PCDHA2: variants seen among roughly 807,000 people sequenced by gnomAD.
PCDHA2 encodes the protein protocadherin alpha 2, also known as protocadherin alpha-2.
In PCDHA2, 58 loss-of-function variants were observed where a neutral mutation model predicts 66.0. The ratio of observed to expected loss-of-function variants is 0.88; its 90% CI spans 0.71 to 1.09. PCDHA2 has a LOEUF of 1.09. Among genes scored for constraint, PCDHA2 ranks in the 50% least tolerant of loss-of-function variants. The probability of loss-of-function intolerance (pLI) is 0.00; values close to 1 mark genes in which losing one functional copy is unlikely to be tolerated. For synonymous variants in PCDHA2, 634 were observed against 554.0 expected (o/e 1.14, Z -2.03); for missense variants, 1,267 against 1,242.3 (o/e 1.02, Z -0.30).
At chr5:140,858,863 A>T (rs1042514918) in intron 1 of PCDHA2, 3 of 258,704 alleles carry the variant, frequency 1.2e-5, no homozygotes, top group Admixed American at 5.3e-5. Context: ...CTCTTCAGTG[A>T]AAATGTGTTT....
intron 1 of PCDHA2, chr5:140,851,063 G>A (rs1192104512): frequency 7.3e-7 from 1 of 1,372,672 alleles, no homozygotes; most frequent in Non-Finnish European, 9.6e-7. Context: ...TTGACTTCTA[G>A]TGAGAATTAT....
intron 1 of PCDHA2, among the ~76,000 whole-genome samples, chr5:140,899,434 A>G (rs1583342387): frequency 6.6e-6 from 1 of 152,206 alleles, no homozygotes; most frequent in East Asian, 1.9e-4. Flanking sequence ...TCTTTTCTGC[A>G]TCTATTGAGA....
chr5:140,928,709 C>T (rs1563108337), intron 1 of PCDHA2: 1 of 1,614,180 alleles, frequency 6.2e-7, no homozygotes, highest in Non-Finnish European at 8.5e-7. Context: ...GCGTCTGACT[C>T]TAGTCTCTTT....
intron 1 of PCDHA2, chr5:140,883,933 G>C: frequency 6.2e-7 from 1 of 1,613,398 alleles, no homozygotes; most frequent in Non-Finnish European, 8.5e-7. Flanking sequence ...AGGTGTTCGT[G>C]CTGGACGAGA....
At chr5:140,927,108 C>T (rs782811125) in intron 1 of PCDHA2, 6 of 1,613,528 alleles carry the variant, frequency 3.7e-6, no homozygotes, top group African/African-American at 1.3e-5. Context: ...ATCTACCCAG[C>T]GGCAATTTGG....
Position 141,010,331 on chromosome 5 carries a change from T to C in PCDHA2, c.*394T>C. 6.5e-7 allele frequency: 1 copy of C among 1,537,904 alleles called. No homozygotes were observed. Among genetic ancestry groups the C allele is most frequent in the Non-Finnish European group, 8.8e-7 (1 of 1,142,160 alleles). On this transcript the variant is annotated 3_prime_UTR_variant, in exon 4 of 4. Transcript: ENST00000526136. The stretch of plus-strand genomic sequence containing the variant: ...TTTTGAGATTGAGCAGCTTGGGAGT[T>C]TGTGGCCACTGGGTATGTGTGGCTA...
intron 1 of PCDHA2, chr5:140,835,471 C>A (rs1453069564): frequency 1.2e-6 from 2 of 1,613,816 alleles, no homozygotes; most frequent in Admixed American, 1.7e-5. Context: ...CCAGAGGACG[C>A]CCAACCAGGT....
At chr5:140,832,358 T>A (rs1293168381) in intron 1 of PCDHA2, among the ~76,000 whole-genome samples, 1 of 152,224 alleles carries the variant, frequency 6.6e-6, no homozygotes, top group African/African-American at 2.4e-5. Context: ...TTTCCTAATG[T>A]GAGCATTTTC....
intron 1 of PCDHA2, among the ~76,000 whole-genome samples, chr5:140,953,053 T>G (rs1475683860): frequency 2.0e-5 from 3 of 152,142 alleles, no homozygotes; most frequent in African/African-American, 7.2e-5. Flanking sequence ...TCCAATCACC[T>G]CTCACAGGCC....
chr5:140,889,760 A>T (rs1228592233), intron 1 of PCDHA2, among the ~76,000 whole-genome samples: 1 of 152,158 alleles, frequency 6.6e-6, no homozygotes, highest in Admixed American at 6.5e-5. Flanking sequence ...CTTTCCTTGA[A>T]CTTTGACTGG....
At chr5:140,813,756 G>A (rs1381820714) in intron 1 of PCDHA2, 1 of 152,316 alleles carries the variant, frequency 6.6e-6, no homozygotes, top group African/African-American at 2.4e-5. Context: ...AGCACTTTGG[G>A]AGGCTGAGGA....
intron 3 of PCDHA2, among the ~76,000 whole-genome samples, chr5:140,995,010 T>A (rs1382186138): frequency 6.6e-6 from 1 of 152,156 alleles, no homozygotes; most frequent in Non-Finnish European, 1.5e-5. Context: ...TTGTTTATAT[T>A]TAGGAAAGAA....
At chr5:140,809,185 G>A (rs782384759) in intron 1 of PCDHA2, 2 of 1,614,048 alleles carry the variant, frequency 1.2e-6, no homozygotes, top group Non-Finnish European at 1.7e-6. Flanking sequence ...CCACTGTGCT[G>A]GTGTCACTTG....
At chr5:141,008,356 A>G (rs1440951671) in intron 3 of PCDHA2, among the ~76,000 whole-genome samples, 1 of 152,204 alleles carries the variant, frequency 6.6e-6, no homozygotes, top group Non-Finnish European at 1.5e-5. Context: ...CGTGTCAACC[A>G]AAGGAGCAGT....
Position 141,000,421 on chromosome 5 carries a change from A to ATTTTTTT in PCDHA2, c.2537-9189_2537-9183dup, listed in dbSNP as rs34755515. Among the ~76,000 whole-genome samples the ATTTTTTT allele has an allele frequency of 5.7e-4, 16 of 27,980 alleles. 1 individual carries two copies. Among genetic ancestry groups the ATTTTTTT allele is most frequent in the African/African-American group, 8.9e-4 (5 of 5,638 alleles). 18.4% of individuals were successfully genotyped at this position (27,980 alleles called of 152,430 possible). ...TATATATATATATATATATATATAT[A>ATTTTTTT]TTTTTTTTTTTTTTTTTTTTTTTGA... On this transcript the variant is annotated intron_variant, in intron 3 of 3. Coordinates refer to ENST00000526136, the MANE Select transcript of PCDHA2 (RefSeq NM_018905.3).
chr5:140,928,716 C>G (rs555492959), intron 1 of PCDHA2: 3 of 1,614,178 alleles, frequency 1.9e-6, no homozygotes, highest in Non-Finnish European at 2.5e-6. Flanking sequence ...ACTCTAGTCT[C>G]TTTAGAATTT....
chr5:140,833,453 A>T (rs1238975338), intron 1 of PCDHA2, among the ~76,000 whole-genome samples: 3 of 152,230 alleles, frequency 2.0e-5, no homozygotes, highest in Non-Finnish European at 4.4e-5. Context: ...ATCTAATAAA[A>T]TAAACTTACA....
chr5:140,986,198 C>T (rs782730684), intron 3 of PCDHA2, among the ~76,000 whole-genome samples: 1 of 152,200 alleles, frequency 6.6e-6, no homozygotes, highest in African/African-American at 2.4e-5. Flanking sequence ...ATTGGTTAAT[C>T]CTGATTACTG....
At chr5:140,983,734 G>A (rs1194473513) in intron 3 of PCDHA2, among the ~76,000 whole-genome samples, 15 of 152,170 alleles carry the variant, frequency 9.9e-5, no homozygotes, top group African/African-American at 3.4e-4. Context: ...TAACATGGCT[G>A]GCTTGCAATA....
Sources: allele counts gnomAD v4.1 joint callset (sites outside exome capture counted in the v4.1 genomes callset), GRCh38; gene constraint gnomAD v4.1.1; transcripts MANE v1.5; gene names NCBI Gene and HGNC (gene_info 2026-07-23, HGNC 2026-07-21).